Variants in GOLGA1 observed in about 807,000 individuals in gnomAD.
The protein encoded by GOLGA1 is golgin subfamily A member 1.
GOLGA1 carries 63 observed loss-of-function variants against 119.7 expected under a neutral mutation model. That is an observed-to-expected ratio of 0.53 (90% CI 0.43 to 0.65). The LOEUF (loss-of-function observed/expected upper bound fraction) is 0.65, where lower values mean the gene tolerates loss of function less well. Among genes scored for constraint, GOLGA1 ranks in the 30% least tolerant of loss-of-function variants. GOLGA1 has a pLI of 0.00. For synonymous variants in GOLGA1, 318 were observed against 333.4 expected, an observed-to-expected ratio of 0.95 and a Z score of 0.50; for missense variants, 798 against 912.8, an observed-to-expected ratio of 0.87 and a Z score of 1.62.
At chr9:124,894,747 A>G (rs615662) in intron 15 of GOLGA1, among the ~76,000 whole-genome samples, 149,501 of 152,306 alleles carry the variant, frequency 0.98, 73,430 homozygotes, top group East Asian at 1. Context: ...TTGCCCCCAC[A>G]AGACATTTGG....
At chr9:124,938,238 T>C (rs1005630529) in intron 3 of GOLGA1, among the ~76,000 whole-genome samples, 2 of 152,208 alleles carry the variant, frequency 1.3e-5, no homozygotes, top group Non-Finnish European at 2.9e-5. Context: ...TTAGTTGTTA[T>C]ATAAGTATAT....
Position 124,888,678 on chromosome 9 carries a change from G to A in GOLGA1, c.1762-282C>T, listed in dbSNP as rs1160266625. Among the ~76,000 whole-genome samples, 3 of 152,054 alleles carry A rather than the reference G, an allele frequency of 2.0e-5. No homozygotes were observed. The highest frequency in any genetic ancestry group is 2.9e-5 in the Non-Finnish European group (2 of 68,018). On this transcript the variant is annotated intron_variant, in intron 18 of 22. Coordinates refer to ENST00000373555, the MANE Select transcript of GOLGA1 (RefSeq NM_002077.4). This position sits in a 1 kb window ranked among gnomAD's most constrained non-coding sequence, Gnocchi z 4.4. ...AGGACTCATGGCCTCCTAGCCATATGAGTGCCCTACTTTATTTATTTATCT... is the reference window on the plus strand; with the variant it reads ...AGGACTCATGGCCTCCTAGCCATATAAGTGCCCTACTTTATTTATTTATCT...
At chr9:124,924,521 A>T (rs1777761367) in intron 7 of GOLGA1, among the ~76,000 whole-genome samples, 1 of 151,324 alleles carries the variant, frequency 6.6e-6, no homozygotes, top group Non-Finnish European at 1.5e-5. Flanking sequence ...AATCCCAGCT[A>T]CTCAGGAGGC....
chr9:124,908,489 G>C lies in GOLGA1; in HGVS notation c.970-17C>G, dbSNP rs1830275407. The C allele has an allele frequency of 7.6e-7, 1 of 1,319,368 alleles. No individual in the cohort carries two copies. The highest frequency in any genetic ancestry group is 1.1e-6 in the Non-Finnish European group (1 of 910,906). 81.7% of individuals were successfully genotyped at this position (1,319,368 alleles called of 1,614,324 possible). A position where few individuals can be genotyped will look rare whatever the true frequency, so the allele number is the denominator to read the frequency against. On this transcript the variant is annotated splice_polypyrimidine_tract_variant and intron_variant, in intron 11 of 22. Coordinates refer to ENST00000373555, the MANE Select transcript of GOLGA1 (RefSeq NM_002077.4). ...AAGTGTTTTCTGTAAGTTGAAAGAA[G>C]AGTAAAAGAAGACTATCATTCCTCA... is the stretch of plus-strand genomic sequence containing the variant.
intron 19 of GOLGA1, among the ~76,000 whole-genome samples, chr9:124,884,649 G>A (rs1267634510): frequency 6.6e-6 from 1 of 152,150 alleles, no homozygotes; most frequent in African/African-American, 2.4e-5. Flanking sequence ...TCTCCACTGT[G>A]AGGCATCTTA....
At chr9:124,895,624 G>T in intron 15 of GOLGA1, among the ~76,000 whole-genome samples, 1 of 127,002 alleles carries the variant, frequency 7.9e-6, no homozygotes, top group East Asian at 2.6e-4. Context: ...TCCACGACAG[G>T]GAGCCTCCAC....
intron 15 of GOLGA1, 147 bp downstream of exon 15, chr9:124,898,402 C>G (rs1219331935): frequency 1.7e-6 from 1 of 590,882 alleles, no homozygotes; most frequent in African/African-American, 1.9e-5. Context: ...AATGAAGTGG[C>G]AATTTCTGGC....
At chr9:124,895,806 G>GACCCTCCACAACAGAGA (rs749896808) in intron 15 of GOLGA1, among the ~76,000 whole-genome samples, 3 of 140,594 alleles carry the variant, frequency 2.1e-5, no homozygotes, top group Admixed American at 1.4e-4. Flanking sequence ...CCCCAACAGA[G>GACCCTCCACAACAGAGA]ACCCTCCACA....
Position 124,938,883 on chromosome 9 carries a change from A to G in GOLGA1, c.-155-17T>C. 1 of 501,062 alleles carries G rather than the reference A, an allele frequency of 2.0e-6. No homozygotes were observed. The highest frequency in any genetic ancestry group is 3.5e-6 in the Non-Finnish European group (1 of 287,720). 31.0% of individuals were successfully genotyped at this position (501,062 alleles called of 1,614,324 possible). On this transcript the variant is annotated splice_polypyrimidine_tract_variant and intron_variant, in intron 2 of 22. Coordinates refer to ENST00000373555, the MANE Select transcript of GOLGA1 (RefSeq NM_002077.4). The stretch of plus-strand genomic sequence containing the variant: ...ACACAGGATCTACAAATCAGATGAA[A>G]GAGACAGTTCAAAAGTTAAACATTG...
chr9:124,892,945 AAAG>A lies in GOLGA1; in HGVS notation c.1408-2470_1408-2468del, dbSNP rs1054448562. On this transcript the variant is annotated intron_variant, in intron 15 of 22. Coordinates refer to ENST00000373555, the MANE Select transcript of GOLGA1 (RefSeq NM_002077.4). Reference sequence around the variant, plus strand: ...GAAATTCCATCTCAAAAAAAAAAAAAAAGAAAGTGTATTTCTTAAATGTAAACA... The same window carrying A: ...GAAATTCCATCTCAAAAAAAAAAAAAAAAGTGTATTTCTTAAATGTAAACA... Among the ~76,000 whole-genome samples the A allele has an allele frequency of 5.3e-5, 8 of 152,068 alleles. No individual in the cohort carries two copies. The East Asian group carries it at 7.7e-4, about 15-fold the overall frequency.
intron 15 of GOLGA1, 128 bp from the exon 16 acceptor site, chr9:124,890,606 GCTCCCAGCCTGGCCC>G: frequency 1.3e-6 from 1 of 748,256 alleles, no homozygotes; most frequent in South Asian, 1.4e-5. Flanking sequence ...CACTTCCCAG[GCTCCCAGCCTGGCCC>G]CTCCCTGCCA....
At chr9:124,944,867 CAGAAG>C (rs896022481), upstream of GOLGA1, 2 of 152,126 alleles carry the variant, frequency 1.3e-5, no homozygotes, top group African/African-American at 2.4e-5. Flanking sequence ...ACAACAGCTT[CAGAAG>C]AGAAAAGAAA....
chr9:124,904,613 A>G (rs1830182044), intron 12 of GOLGA1, among the ~76,000 whole-genome samples: 1 of 152,164 alleles, frequency 6.6e-6, no homozygotes, highest in Admixed American at 6.5e-5. Context: ...GTTTGAGACC[A>G]GCCTGGCCAA....
chr9:124,942,391 G>T (rs1320945384), upstream of GOLGA1, among the ~76,000 whole-genome samples: 1 of 152,164 alleles, frequency 6.6e-6, no homozygotes, highest in Non-Finnish European at 1.5e-5. Context: ...ACAAGCCCAA[G>T]AATAAGCAGA....
Position 124,888,920 on chromosome 9 carries a change from C to T in GOLGA1, c.1761+223G>A, listed in dbSNP as rs1449928408. 2.6e-5 allele frequency among the ~76,000 whole-genome samples: 4 copies of T among 152,146 alleles called. No homozygotes were observed. The highest frequency in any genetic ancestry group is 2.1e-4 in the South Asian group (1 of 4,830). On this transcript the variant is annotated intron_variant, in intron 18 of 22. Coordinates refer to ENST00000373555, the MANE Select transcript of GOLGA1 (RefSeq NM_002077.4). The surrounding 1 kb of genome is among the most constrained non-coding windows in gnomAD (Gnocchi z 4.4). ...TTCACCGTGTTAGCCAGGATGGTCT[C>T]GATCTCCTGAACTCGTGATCCACCC...
chr9:124,887,507 G>A (rs577348150), intron 19 of GOLGA1: 7 of 151,764 alleles, frequency 4.6e-5, no homozygotes, highest in African/African-American at 1.7e-4. Flanking sequence ...ATCGCGCCTC[G>A]GATAGACCTC....
intron 3 of GOLGA1, among the ~76,000 whole-genome samples, chr9:124,936,284 C>T (rs369045168): frequency 8.6e-5 from 13 of 151,304 alleles, no homozygotes; most frequent in South Asian, 6.3e-4. Context: ...TGCTCCATCC[C>T]GATAACCTAA....
intron 19 of GOLGA1, among the ~76,000 whole-genome samples, chr9:124,883,102 T>C (rs1829628231): frequency 7.5e-6 from 1 of 133,826 alleles, no homozygotes; most frequent in African/African-American, 2.6e-5. Context: ...ATTTGGAAAA[T>C]AATTTTTTTT....
chr9:124,916,029 G>T (rs1412562957), intron 10 of GOLGA1, among the ~76,000 whole-genome samples: 2 of 141,614 alleles, frequency 1.4e-5, no homozygotes, highest in Non-Finnish European at 3.1e-5. Flanking sequence ...TTGAACCTGG[G>T]AGGTGGAGGC....
Sources: gnomAD v4.1 joint callset for allele counts (sites outside exome capture counted in the v4.1 genomes callset) on GRCh38, gnomAD v4.1.1 for gene constraint, Gnocchi (gnomAD v3.1) non-coding constraint, MANE v1.5 for transcripts, NCBI Gene and HGNC (gene_info 2026-07-23, HGNC 2026-07-21) for gene names.